The following OR4F5 variants were observed in gnomAD, a reference collection of about 807,000 sequenced individuals.
OR4F5 encodes the protein olfactory receptor family 4 subfamily F member 5.
OR4F5 carries 1 observed loss-of-function variant against 5.8 expected under a neutral mutation model. The observed-to-expected ratio is 0.17, with a 90% CI of 0.06 to 0.82. The LOEUF is 0.82. Among genes scored for constraint, OR4F5 ranks in the 40% least tolerant of loss-of-function variants. The pLI is 0.72. For synonymous variants in OR4F5, 18 were observed against 63.7 expected (o/e 0.28, Z 3.42); for missense variants, 47 against 175.5 (o/e 0.27, Z 4.14).
rs1327510522 is a variant in OR4F5 at position 67,232 on chromosome 1, C to A, written c.9+1659C>A. ...TGATTATATTTATTACCGTGCTAAG[C>A]AGAAGAGAAATGAAGTGAATGTTCA... is the stretch of plus-strand genomic sequence containing the variant. On this transcript the variant is annotated intron_variant, in intron 2 of 2. Transcript: ENST00000641515. Among the ~76,000 whole-genome samples the A allele has an allele frequency of 6.6e-3, 768 of 117,184 alleles. 30 individuals carry two copies. Among genetic ancestry groups the A allele is most frequent in the African/African-American group, 0.019 (733 of 37,950 alleles). 76.9% of individuals were successfully genotyped at this position (117,184 alleles called of 152,430 possible). A position where few individuals can be genotyped will look rare whatever the true frequency, so the allele number is the denominator to read the frequency against.
intron 2 of OR4F5, among the ~76,000 whole-genome samples, chr1:68,316 T>A (rs2907081): frequency 8.8e-6 from 1 of 113,254 alleles, no homozygotes; most frequent in African/African-American, 2.7e-5. Flanking sequence ...CTATTACCTA[T>A]TGTTAGGCTT....
chr1:66,550 C>A (rs1250288470), intron 2 of OR4F5, among the ~76,000 whole-genome samples: 3 of 60,044 alleles, frequency 5.0e-5, no homozygotes, highest in East Asian at 2.8e-4. Context: ...TTATATATAA[C>A]ATATATTATT....
At chr1:68,403 A>C (rs1254593252) in intron 2 of OR4F5, among the ~76,000 whole-genome samples, 1 of 87,954 alleles carries the variant, frequency 1.1e-5, no homozygotes, top group East Asian at 2.2e-4. Flanking sequence ...TTAAACAATC[A>C]TTCAAAATTT....
At chr1:66,552 TATA>T (rs1476877161) in intron 2 of OR4F5, among the ~76,000 whole-genome samples, 3 of 84,432 alleles carry the variant, frequency 3.6e-5, no homozygotes, top group Non-Finnish European at 5.1e-5. Context: ...ATATATAACA[TATA>T]TTATTATATA....
chr1:66,292 TATA>T lies in OR4F5; in HGVS notation c.9+723_9+725del, dbSNP rs1289195092. ...ATAATATAAATTATATTATATAATA[TATA>T]ATATAAATATAATATAAATTATATA... On this transcript the variant is annotated intron_variant, in intron 2 of 2. Coordinates refer to ENST00000641515, the MANE Select transcript of OR4F5 (RefSeq NM_001005484.2). Among the ~76,000 whole-genome samples the T allele has an allele frequency of 4.5e-5, 2 of 44,904 alleles. 1 individual carries two copies. The highest frequency in any genetic ancestry group is 9.0e-5 in the Non-Finnish European group (2 of 22,150). 29.5% of individuals were successfully genotyped at this position (44,904 alleles called of 152,430 possible).
At position 69,430 on chromosome 1, in the gene OR4F5, G is replaced by A; in HGVS notation, c.403G>A (p.Asp135Asn). 9.8e-7 allele frequency: 1 copy of A among 1,024,108 alleles called. No homozygotes were observed. The highest frequency in any genetic ancestry group is 2.4e-5 in the East Asian group (1 of 41,416). 63.4% of individuals were successfully genotyped at this position (1,024,108 alleles called of 1,614,324 possible). Residue 135 changes from aspartate (D) to asparagine (N), a missense_variant, in exon 3 of 3, where the codon GAC (aspartate) becomes AAC (asparagine). By Grantham distance (23) the Asp-to-Asn change is conservative. This residue lies in a region of OR4F5 where 40 missense variants were observed against 68.3 expected (regional missense o/e 0.59). Transcript: ENST00000641515. ...GGTGATCCTCATAGCCATGGGCTTT[G>A]ACAGATATATAGCAATATGCAAGCC... The part of the protein sequence containing the change: ...EMVILIAMGF[D>N]RYIAICKPLH...
chr1:66,640 G>T (rs1466018165), intron 2 of OR4F5, among the ~76,000 whole-genome samples: 1 of 99,944 alleles, frequency 1.0e-5, no homozygotes, highest in Non-Finnish European at 2.2e-5. Context: ...AATTCTAATG[G>T]TTGAATTCCA....
chr1:67,234 G>T lies in OR4F5; in HGVS notation c.9+1661G>T, dbSNP rs1281465216. ...ATTATATTTATTACCGTGCTAAGCA[G>T]AAGAGAAATGAAGTGAATGTTCATG... On this transcript the variant is annotated intron_variant, in intron 2 of 2. Transcript: ENST00000641515. Among the ~76,000 whole-genome samples, 2 of 117,444 alleles carry T rather than the reference G, an allele frequency of 1.7e-5. 1 individual carries two copies. Among genetic ancestry groups the T allele is most frequent in the Non-Finnish European group, 4.2e-5 (2 of 47,726 alleles). The allele number at this position is 117,444 out of a possible 152,430, so 77.0% of individuals were successfully genotyped here.
chr1:66,638 T>C (rs1413956392), intron 2 of OR4F5, among the ~76,000 whole-genome samples: 2 of 101,676 alleles, frequency 2.0e-5, no homozygotes, highest in East Asian at 4.2e-4. Context: ...ATAATTCTAA[T>C]GGTTGAATTC....
At position 69,542 on chromosome 1, in the gene OR4F5, G is replaced by C. The variant is rs1570409882; in HGVS notation, c.515G>C (p.Ser172Thr). ...GGAATTGGCTTTCTCCATTCGGTGA[G>C]CCAGTTGGCGTTTGCCGTGCACTTA... The part of the protein sequence containing the change: ...TWGIGFLHSV[S>T]QLAFAVHLLF... The change falls in exon 3 of 3, where the codon AGC (serine) becomes ACC (threonine). Residue 172 changes from serine (S) to threonine (T), a missense_variant. This residue lies in a region of OR4F5 where 40 missense variants were observed against 68.3 expected (regional missense o/e 0.59). Coordinates refer to ENST00000641515, the MANE Select transcript of OR4F5 (RefSeq NM_001005484.2). The C allele has an allele frequency of 1.5e-5, 15 of 1,016,574 alleles. 5 individuals are homozygous for C. In the East Asian group the frequency reaches 3.6e-4, roughly 24 times the overall value. The allele number at this position is 1,016,574 out of a possible 1,614,324, so 63.0% of individuals were successfully genotyped here.
At chr1:68,220 T>C (rs1235150801) in intron 2 of OR4F5, among the ~76,000 whole-genome samples, 7 of 90,668 alleles carry the variant, frequency 7.7e-5, no homozygotes, top group African/African-American at 1.8e-4. Flanking sequence ...CACAAGCTCA[T>C]ATCTTAACTA....
chr1:68,376 T>C (rs1283489517), intron 2 of OR4F5, among the ~76,000 whole-genome samples: 1 of 102,950 alleles, frequency 9.7e-6, no homozygotes, highest in African/African-American at 2.8e-5. Context: ...CCAATTCACA[T>C]TGAGTCCAGA....
At chr1:66,364 A>AATATATATATTATTATAT in intron 2 of OR4F5, among the ~76,000 whole-genome samples, 1 of 11,870 alleles carries the variant, frequency 8.4e-5, no homozygotes, top group East Asian at 7.0e-4. Context: ...TATATTATAT[A>AATATATATATTATTATAT]AATATAATAT....
rs774817452 is a variant in OR4F5 at position 69,665 on chromosome 1, T to A, written c.638T>A (p.Val213Asp). The A allele has an allele frequency of 1.2e-6, 1 of 853,528 alleles. No homozygotes were observed. The highest frequency in any genetic ancestry group is 2.4e-5 in the East Asian group (1 of 41,732). The allele number at this position is 853,528 out of a possible 1,614,324, so 52.9% of individuals were successfully genotyped here. Residue 213 changes from valine (V) to aspartate (D), a missense_variant, in exon 3 of 3, where the codon GTC becomes GAC. By Grantham distance (152) the Val-to-Asp change is radical. Coordinates refer to ENST00000641515, the MANE Select transcript of OR4F5 (RefSeq NM_001005484.2). ...CTDTYRLDIM[V>D]IANSGVLTVC... Reference sequence around the variant, plus strand: ...GATACCTACAGGCTAGATATTATGGTCATTGCTAACAGTGGTGTGCTCACT... The same window carrying A: ...GATACCTACAGGCTAGATATTATGGACATTGCTAACAGTGGTGTGCTCACT...
At position 69,575 on chromosome 1, in the gene OR4F5, G is replaced by A; in HGVS notation, c.548G>A (p.Cys183Tyr). Residue 183 changes from cysteine to tyrosine, a missense_variant, in exon 3 of 3, where the codon TGT becomes TAT. By Grantham distance (194) the Cys-to-Tyr change is radical. This residue lies in a region of OR4F5 where 40 missense variants were observed against 68.3 expected (regional missense o/e 0.59). Coordinates refer to ENST00000641515, the MANE Select transcript of OR4F5 (RefSeq NM_001005484.2). The part of the protein sequence containing the change: ...QLAFAVHLLF[C>Y]GPNEVDSFYC... Reference sequence around the variant, plus strand: ...GCGTTTGCCGTGCACTTACTCTTCTGTGGTCCCAATGAGGTCGATAGTTTT... The same window carrying A: ...GCGTTTGCCGTGCACTTACTCTTCTATGGTCCCAATGAGGTCGATAGTTTT... The A allele has an allele frequency of 1.9e-6, 2 of 1,046,178 alleles. 1 individual carries two copies. The highest frequency in any genetic ancestry group is 2.7e-6 in the Non-Finnish European group (2 of 745,364). 64.8% of individuals were successfully genotyped at this position (1,046,178 alleles called of 1,614,324 possible). A position where few individuals can be genotyped will look rare whatever the true frequency, so the allele number is the denominator to read the frequency against.
Position 66,262 on chromosome 1 carries a change from TAAA to T in OR4F5, c.9+690_9+692del, listed in dbSNP as rs1557435304. Reference sequence around the variant, plus strand: ...ATATTATATTATATAATATATAATATAAATATAATATAAATTATATTATATAAT... The same window carrying T: ...ATATTATATTATATAATATATAATATTATAATATAAATTATATTATATAAT... On this transcript the variant is annotated intron_variant, in intron 2 of 2. Coordinates refer to ENST00000641515, the MANE Select transcript of OR4F5 (RefSeq NM_001005484.2). Among the ~76,000 whole-genome samples, 10 of 16,974 alleles carry T rather than the reference TAAA, an allele frequency of 5.9e-4. 2 individuals are homozygous for T. The highest frequency in any genetic ancestry group is 0.033 in the Middle Eastern group (1 of 30). 11.1% of individuals were successfully genotyped at this position (16,974 alleles called of 152,430 possible).
At position 69,561 on chromosome 1, in the gene OR4F5, G is replaced by T; in HGVS notation, c.534G>T (p.Val178=). ...LHSVSQLAFA[V]HLLFCGPNEV... Reference sequence around the variant, plus strand: ...CGGTGAGCCAGTTGGCGTTTGCCGTGCACTTACTCTTCTGTGGTCCCAATG... The same window carrying T: ...CGGTGAGCCAGTTGGCGTTTGCCGTTCACTTACTCTTCTGTGGTCCCAATG... Residue 178 remains valine, a synonymous_variant, in exon 3 of 3, where the codon GTG becomes GTT. Coordinates refer to ENST00000641515, the MANE Select transcript of OR4F5 (RefSeq NM_001005484.2). 6 of 1,035,170 alleles carry T rather than the reference G, an allele frequency of 5.8e-6. 2 individuals carry two copies. Among genetic ancestry groups the T allele is most frequent in the Non-Finnish European group, 8.1e-6 (6 of 737,494 alleles). The allele number at this position is 1,035,170 out of a possible 1,614,324, so 64.1% of individuals were successfully genotyped here.
intron 2 of OR4F5, among the ~76,000 whole-genome samples, chr1:66,639 G>T (rs1639951951): frequency 1.0e-5 from 1 of 99,620 alleles, no homozygotes; most frequent in Non-Finnish European, 2.2e-5. Flanking sequence ...TAATTCTAAT[G>T]GTTGAATTCC....
intron 2 of OR4F5, among the ~76,000 whole-genome samples, chr1:66,354 T>C (rs1227420242): frequency 1.3e-4 from 6 of 44,782 alleles, no homozygotes; most frequent in African/African-American, 3.4e-4. Context: ...TAATATAATA[T>C]ATATTATATA....
Sources: allele counts gnomAD v4.1 joint callset (sites outside exome capture counted in the v4.1 genomes callset), GRCh38; gene constraint gnomAD v4.1.1; regional missense constraint gnomAD v4.1.1; transcripts MANE v1.5; gene names NCBI Gene and HGNC (gene_info 2026-07-23, HGNC 2026-07-21).